The following RASGRF1 variants were observed in gnomAD, a reference collection of about 807,000 sequenced individuals.
RASGRF1 encodes the protein ras-specific guanine nucleotide-releasing factor 1.
A neutral mutation model predicts 138.7 loss-of-function variants in RASGRF1; 40 were observed. That is an observed-to-expected ratio of 0.29 (90% CI 0.22 to 0.38). The LOEUF is 0.38. Ranked by LOEUF, RASGRF1 falls within the 10% of genes least tolerant of loss-of-function variation. The pLI is 1.00. For missense variants in RASGRF1, 1,108 were observed against 1,650.4 expected (o/e 0.67, Z 5.69); for synonymous variants, 614 against 663.2 (o/e 0.93, Z 1.14).
chr15:78,995,689 AG>A, intron 20 of RASGRF1, 50 bp downstream of exon 20: 1 of 1,601,104 alleles, frequency 6.2e-7, no homozygotes. Context: ...GGTCCTGGGC[AG>A]GAGGATGGGG....
At chr15:79,082,394 G>A (rs1054778912) in intron 1 of RASGRF1, among the ~76,000 whole-genome samples, 1 of 152,198 alleles carries the variant, frequency 6.6e-6, no homozygotes, top group Admixed American at 6.5e-5. Context: ...ATGGAGGCTG[G>A]TGTCAGGACC....
At chr15:79,064,574 C>A (rs2057651630) in intron 1 of RASGRF1, 48 bp from the exon 2 acceptor site, 194 of 1,476,396 alleles carry the variant, frequency 1.3e-4, no homozygotes, top group Middle Eastern at 1.7e-4. Context: ...TCCATGGGAC[C>A]AACAACGACT....
In RASGRF1 at chr15:78,971,971, C is replaced by T; in HGVS notation, c.3613-37G>A. On this transcript the variant is annotated intron_variant, in intron 25 of 26. Coordinates refer to ENST00000558480, the MANE Select transcript of RASGRF1 (RefSeq NM_001145648.3). ...AAGGAGTGTTTCAGAATGCAGTTTGCTCTCCTAGTTCCACCCCCAACTTTG... is the reference window on the plus strand; with the variant it reads ...AAGGAGTGTTTCAGAATGCAGTTTGTTCTCCTAGTTCCACCCCCAACTTTG... 3 of 1,522,330 alleles carry T rather than the reference C, an allele frequency of 2.0e-6. No homozygotes were observed. In the South Asian group the frequency reaches 3.4e-5, roughly 17 times the overall value. 94.3% of individuals were successfully genotyped at this position (1,522,330 alleles called of 1,614,324 possible).
chr15:79,012,392 T>C (rs2056813163), intron 13 of RASGRF1: 1 of 901,684 alleles, frequency 1.1e-6, no homozygotes. Context: ...TTACACAGAT[T>C]CCATTTTACA....
intron 13 of RASGRF1, among the ~76,000 whole-genome samples, chr15:79,012,705 C>CA (rs1202644602): frequency 1.3e-5 from 2 of 151,958 alleles, no homozygotes; most frequent in Non-Finnish European, 2.9e-5. Flanking sequence ...TTTTTTGAGA[C>CA]AGAGTTTCAC....
intron 16 of RASGRF1, among the ~76,000 whole-genome samples, 192 bp from the exon 17 acceptor site, chr15:79,000,105 C>T (rs1283007144): frequency 2.0e-5 from 3 of 152,122 alleles, no homozygotes; most frequent in Non-Finnish European, 4.4e-5. Context: ...GGGAGAGTCA[C>T]ACCACAACAC....
intron 1 of RASGRF1, among the ~76,000 whole-genome samples, chr15:79,075,451 T>C (rs6495364): frequency 0.82 from 124,440 of 152,106 alleles, 51,468 homozygotes; most frequent in South Asian, 0.93. Context: ...CCTGTCCAAC[T>C]GGGCTGCAAA....
At chr15:78,970,682 A>G (rs2055739630) in intron 26 of RASGRF1, among the ~76,000 whole-genome samples, 1 of 150,522 alleles carries the variant, frequency 6.6e-6, no homozygotes, top group Non-Finnish European at 1.5e-5. Flanking sequence ...TAGGATTGGG[A>G]GCCCAAGAGT....
rs2055769698 is a variant in RASGRF1 at position 78,971,945 on chromosome 15, G to A, written c.3613-11C>T. 6.4e-7 allele frequency: 1 copy of A among 1,569,640 alleles called. No individual in the cohort carries two copies. Among genetic ancestry groups the A allele is most frequent in the Admixed American group, 1.7e-5 (1 of 59,928 alleles). Reference sequence around the variant, plus strand: ...GATAATATGGGATATCTGTGGGAAGGAAGGAGTGTTTCAGAATGCAGTTTG... The same window carrying A: ...GATAATATGGGATATCTGTGGGAAGAAAGGAGTGTTTCAGAATGCAGTTTG... On this transcript the variant is annotated splice_polypyrimidine_tract_variant and intron_variant, in intron 25 of 26. Coordinates refer to ENST00000558480, the MANE Select transcript of RASGRF1 (RefSeq NM_001145648.3).
intron 2 of RASGRF1, among the ~76,000 whole-genome samples, chr15:79,063,776 G>A (rs116378703): frequency 1.0e-3 from 156 of 152,282 alleles, no homozygotes; most frequent in African/African-American, 3.5e-3. Flanking sequence ...TCTGCCAGGC[G>A]ATTGTCAGCT....
At chr15:78,993,178 GTGTGT>G (rs2141665725) in intron 20 of RASGRF1, among the ~76,000 whole-genome samples, 1 of 143,374 alleles carries the variant, frequency 7.0e-6, no homozygotes, top group Non-Finnish European at 1.6e-5. Flanking sequence ...TGTGTATGTG[GTGTGT>G]GTGGTGTGGC....
chr15:79,082,319 T>C (rs1198847495), intron 1 of RASGRF1, among the ~76,000 whole-genome samples: 3 of 151,960 alleles, frequency 2.0e-5, no homozygotes, highest in Non-Finnish European at 4.4e-5. Context: ...GTGCTCAGAG[T>C]GGGTCCCTTC....
chr15:79,048,605 A>T (rs2057386321), intron 4 of RASGRF1, among the ~76,000 whole-genome samples: 2 of 152,224 alleles, frequency 1.3e-5, no homozygotes, highest in African/African-American at 4.8e-5. Flanking sequence ...AGCTATTTCT[A>T]TTCTTGAGAA....
intron 16 of RASGRF1, among the ~76,000 whole-genome samples, chr15:79,000,436 G>A (rs2056497393): frequency 6.6e-6 from 1 of 152,164 alleles, no homozygotes. Flanking sequence ...GTGACCTTGG[G>A]TAAGTCATTT....
intron 15 of RASGRF1, among the ~76,000 whole-genome samples, chr15:79,003,182 T>C (rs2056578976): frequency 6.6e-6 from 1 of 152,254 alleles, no homozygotes; most frequent in African/African-American, 2.4e-5. Flanking sequence ...TGCTCCTCAG[T>C]CATTCCCATC....
At chr15:79,057,083 C>G (rs1027553786) in intron 3 of RASGRF1, among the ~76,000 whole-genome samples, 2 of 152,240 alleles carry the variant, frequency 1.3e-5, no homozygotes, top group African/African-American at 4.8e-5. Context: ...ACCATCTGCT[C>G]AGGGAGCAAC....
At chr15:78,970,456 A>G (rs1019362155) in intron 26 of RASGRF1, among the ~76,000 whole-genome samples, 2 of 151,980 alleles carry the variant, frequency 1.3e-5, no homozygotes, top group African/African-American at 4.8e-5. Flanking sequence ...GTCCAATTAC[A>G]TAACCTCCTT....
intron 3 of RASGRF1, among the ~76,000 whole-genome samples, chr15:79,049,843 C>G (rs568618783): frequency 2.0e-5 from 3 of 152,184 alleles, no homozygotes; most frequent in Non-Finnish European, 4.4e-5. Flanking sequence ...GGCTGCCCAA[C>G]CAGAGTGACC....
At chr15:79,023,933 AC>A (rs1427256527) in intron 10 of RASGRF1, among the ~76,000 whole-genome samples, 1 of 151,878 alleles carries the variant, frequency 6.6e-6, no homozygotes, top group East Asian at 1.9e-4. Flanking sequence ...AGACACACAC[AC>A]CACACACACA....
Sources: allele counts gnomAD v4.1 joint callset (sites outside exome capture counted in the v4.1 genomes callset), GRCh38; gene constraint gnomAD v4.1.1; transcripts MANE v1.5; gene names NCBI Gene and HGNC (gene_info 2026-07-23, HGNC 2026-07-21).